The following IGFL2 variants were observed in gnomAD, a reference collection of about 807,000 sequenced individuals.
IGFL2 encodes the protein IGF like family member 2.
IGFL2 carries 7 observed loss-of-function variants against 13.9 expected under a neutral mutation model. That is an observed-to-expected ratio of 0.51 (90% CI 0.29 to 0.95). The LOEUF (loss-of-function observed/expected upper bound fraction) is 0.95. Ranked by LOEUF, IGFL2 falls within the 40% of genes least tolerant of loss-of-function variation. The pLI, the probability that IGFL2 is intolerant of heterozygous loss-of-function variation, is 0.08. For missense variants in IGFL2, 138 were observed against 147.8 expected, an observed-to-expected ratio of 0.93 and a Z score of 0.34; for synonymous variants, 55 against 55.8, an observed-to-expected ratio of 0.99 and a Z score of 0.07.
intron 1 of IGFL2, chr19:46,148,950 TGCC>T (rs1449235246): frequency 6.4e-7 from 1 of 1,571,186 alleles, no homozygotes; most frequent in Admixed American, 1.9e-5. Context: ...CAGGCACTAT[TGCC>T]TGGAGTTCCT....
At chr19:46,125,172 C>CTAAT in the IGFL2 span, among the ~76,000 whole-genome samples, 8 of 152,246 alleles carry the variant, frequency 5.3e-5, no homozygotes, top group African/African-American at 1.9e-4. Context: ...GCTCTGGAGT[C>CTAAT]ATTAGAGTTG....
At chr19:46,150,897 G>A (rs1973448989) in intron 1 of IGFL2, among the ~76,000 whole-genome samples, 1 of 152,108 alleles carries the variant, frequency 6.6e-6, no homozygotes, top group African/African-American at 2.4e-5. Context: ...CAACTTGTAG[G>A]CTCAAGCAAC....
chr19:46,159,726 C>A (rs1974037118), intron 1 of IGFL2: 1 of 152,190 alleles, frequency 6.6e-6, no homozygotes, highest in Non-Finnish European at 1.5e-5. Flanking sequence ...ATCTCTCAAC[C>A]TTCACCCACA....
the IGFL2 span, among the ~76,000 whole-genome samples, chr19:46,094,069 G>T: frequency 6.7e-6 from 1 of 149,282 alleles, no homozygotes; most frequent in Non-Finnish European, 1.5e-5. Context: ...AGGGGTAGGG[G>T]GTCAGTATTG....
chr19:46,148,402 C>T (rs1382552719), intron 1 of IGFL2, 105 bp downstream of exon 1: 1 of 1,020,906 alleles, frequency 9.8e-7, no homozygotes. Flanking sequence ...TCTTGGTTTC[C>T]CACCTCATAA....
chr19:46,146,765 A>G (rs184959541), upstream of IGFL2, among the ~76,000 whole-genome samples: 54 of 152,254 alleles, frequency 3.5e-4, no homozygotes, highest in Non-Finnish European at 5.1e-4. Context: ...AAGGAATACA[A>G]TTGACTTCTG....
chr19:46,129,527 T>G, the IGFL2 span, among the ~76,000 whole-genome samples: 121 of 152,302 alleles, frequency 7.9e-4, 1 homozygote, highest in African/African-American at 2.7e-3. Flanking sequence ...TACTCCTGCC[T>G]TAGCTGTGTT....
At chr19:46,124,387 A>C in the IGFL2 span, 2 of 1,493,598 alleles carry the variant, frequency 1.3e-6, no homozygotes, top group South Asian at 2.3e-5. Flanking sequence ...AAAAACAAAC[A>C]AACAAACAAA....
At chr19:46,139,579 AG>A (rs1415473177), upstream of IGFL2, among the ~76,000 whole-genome samples, 3 of 152,198 alleles carry the variant, frequency 2.0e-5, no homozygotes, top group Non-Finnish European at 2.9e-5. Context: ...GAGATAAAGC[AG>A]GACAAGTAAT....
the IGFL2 span, among the ~76,000 whole-genome samples, chr19:46,082,097 T>C: frequency 7.9e-5 from 12 of 152,226 alleles, no homozygotes; most frequent in African/African-American, 2.9e-4. Flanking sequence ...ATGAGGAAAT[T>C]CCTTGTTAGT....
chr19:46,130,713 CATT>C, the IGFL2 span, among the ~76,000 whole-genome samples: 1 of 152,134 alleles, frequency 6.6e-6, no homozygotes, highest in Non-Finnish European at 1.5e-5. Context: ...CAGTATTTCT[CATT>C]ATTTTTATGT....
At chr19:46,136,162 A>G in the IGFL2 span, among the ~76,000 whole-genome samples, 1 of 152,182 alleles carries the variant, frequency 6.6e-6, no homozygotes, top group Non-Finnish European at 1.5e-5. Flanking sequence ...AGTTTCATGG[A>G]CAGCATCCTC....
the IGFL2 span, among the ~76,000 whole-genome samples, chr19:46,079,132 A>G: frequency 1.8e-4 from 27 of 149,076 alleles, no homozygotes; most frequent in Non-Finnish European, 3.3e-4. Flanking sequence ...AGGCGTCGTC[A>G]GTAGACATCG....
chr19:46,185,291 G>A, the IGFL2 span, among the ~76,000 whole-genome samples: 2 of 152,048 alleles, frequency 1.3e-5, no homozygotes, highest in Admixed American at 1.3e-4. Context: ...TCCTCTCTCT[G>A]CCTGCCAGCT....
chr19:46,206,483 T>G, the IGFL2 span, among the ~76,000 whole-genome samples: 30 of 152,240 alleles, frequency 2.0e-4, no homozygotes, highest in East Asian at 1.9e-3. Context: ...TTTGTGTGTG[T>G]GGGGCGGGGT....
At chr19:46,149,236 T>TTCTC (rs1201921334) in intron 1 of IGFL2, among the ~76,000 whole-genome samples, 1 of 145,802 alleles carries the variant, frequency 6.9e-6, no homozygotes. Context: ...TCTCTCCCTT[T>TTCTC]TCTCTCTCTC....
chr19:46,099,780 C>G, the IGFL2 span, among the ~76,000 whole-genome samples: 1 of 152,122 alleles, frequency 6.6e-6, no homozygotes, highest in Non-Finnish European at 1.5e-5. Context: ...CCTGCCTCAG[C>G]CTTCCAAAGT....
the IGFL2 span, among the ~76,000 whole-genome samples, chr19:46,175,065 A>G: frequency 6.6e-6 from 1 of 152,198 alleles, no homozygotes; most frequent in Non-Finnish European, 1.5e-5. Flanking sequence ...GTTTTTAAAA[A>G]TTAGTAAATT....
chr19:46,124,679 G>A, the IGFL2 span: 1 of 1,602,560 alleles, frequency 6.2e-7, no homozygotes, highest in Non-Finnish European at 8.5e-7. Context: ...GAGAATTGAA[G>A]AAGAGTGGTA....
Sources: gnomAD v4.1 joint callset for allele counts (sites outside exome capture counted in the v4.1 genomes callset) on GRCh38, gnomAD v4.1.1 for gene constraint, MANE v1.5 for transcripts, NCBI Gene and HGNC (gene_info 2026-07-23, HGNC 2026-07-21) for gene names.